The following P2RX3 variants were observed in gnomAD, a reference collection of about 807,000 sequenced individuals.
P2RX3 encodes the protein P2X purinoceptor 3.
Under a neutral mutation model 51.5 loss-of-function variants are expected in P2RX3, and 41 were observed. That is an observed-to-expected ratio of 0.80 (90% CI 0.62 to 1.03). The LOEUF is 1.03. P2RX3 is among the 50% of genes least tolerant of loss of function. The pLI, the probability that P2RX3 is intolerant of heterozygous loss-of-function variation, is 0.00. For missense variants in P2RX3, 459 were observed against 522.1 expected, an observed-to-expected ratio of 0.88 and a Z score of 1.18; for synonymous variants, 185 against 191.6, an observed-to-expected ratio of 0.97 and a Z score of 0.29.
chr11:57,353,310 C>G (rs1856576399), intron 8 of P2RX3, among the ~76,000 whole-genome samples: 1 of 152,178 alleles, frequency 6.6e-6, no homozygotes, highest in Non-Finnish European at 1.5e-5. Context: ...TGCTTCAGCT[C>G]AGCATTCCTT....
intron 8 of P2RX3, among the ~76,000 whole-genome samples, chr11:57,353,461 G>T (rs958573419): frequency 7.9e-5 from 12 of 152,134 alleles, no homozygotes; most frequent in Non-Finnish European, 1.0e-4. Context: ...TTCTTTGGAT[G>T]ATCTCCACCC....
chr11:57,348,827 C>A (rs974824222), intron 6 of P2RX3, 123 bp downstream of exon 6: 1 of 651,434 alleles, frequency 1.5e-6, no homozygotes. Context: ...ACTGACCCAT[C>A]TCCCTGGGCC....
At chr11:57,359,663 A>G (rs1856685440) in intron 8 of P2RX3, among the ~76,000 whole-genome samples, 2 of 152,230 alleles carry the variant, frequency 1.3e-5, no homozygotes, top group Admixed American at 1.3e-4. Context: ...CACAGACACC[A>G]GCTTAGCAAG....
chr11:57,346,100 CTCTGTCCT>C (rs1243357566), intron 1 of P2RX3, among the ~76,000 whole-genome samples: 2 of 152,200 alleles, frequency 1.3e-5, no homozygotes, highest in East Asian at 3.9e-4. Context: ...GCCTGGGATC[CTCTGTCCT>C]TCTGTCTCCT....
intron 8 of P2RX3, among the ~76,000 whole-genome samples, chr11:57,361,082 G>C (rs532360598): frequency 1.3e-5 from 2 of 152,174 alleles, no homozygotes; most frequent in Admixed American, 6.5e-5. Flanking sequence ...ACAATTGGCT[G>C]CCAGCTGGGA....
intron 2 of P2RX3, among the ~76,000 whole-genome samples, 198 bp from the exon 3 acceptor site, chr11:57,346,918 C>T (rs1157958990): frequency 1.3e-5 from 2 of 152,212 alleles, no homozygotes; most frequent in Non-Finnish European, 2.9e-5. Flanking sequence ...CAATCAAGGA[C>T]AACACACATG....
At chr11:57,349,666 C>G (rs142160127) in intron 6 of P2RX3, 91 bp from the exon 7 acceptor site, 10 of 1,531,504 alleles carry the variant, frequency 6.5e-6, no homozygotes, top group Non-Finnish European at 8.9e-6. Context: ...TCAGATCCCC[C>G]CTAGGCCTGG....
chr11:57,353,412 CAAAGCAAGCAA>C (rs931062464), intron 8 of P2RX3, among the ~76,000 whole-genome samples: 1 of 152,134 alleles, frequency 6.6e-6, no homozygotes, highest in Non-Finnish European at 1.5e-5. Flanking sequence ...CTCAAAGTCA[CAAAGCAAGCAA>C]GAGGGGGAGC....
intron 8 of P2RX3, among the ~76,000 whole-genome samples, chr11:57,354,249 C>T (rs1313629999): frequency 6.6e-6 from 1 of 152,126 alleles, no homozygotes; most frequent in East Asian, 1.9e-4. Flanking sequence ...TTGTGATCCC[C>T]TAAAGATTCT....
At chr11:57,339,099 G>A (rs1171133574) in intron 1 of P2RX3, among the ~76,000 whole-genome samples, 2 of 152,210 alleles carry the variant, frequency 1.3e-5, no homozygotes, top group African/African-American at 4.8e-5. Context: ...GAATAGGGAA[G>A]GGAAGGCACT....
intron 9 of P2RX3, 46 bp from the exon 10 acceptor site, chr11:57,368,326 A>T (rs768234947): frequency 8.7e-6 from 14 of 1,606,018 alleles, no homozygotes; most frequent in South Asian, 2.2e-5. Flanking sequence ...CCTCACCCCC[A>T]TCCCATGGGC....
chr11:57,367,730 A>G (rs1167564369), intron 8 of P2RX3, among the ~76,000 whole-genome samples: 1 of 152,166 alleles, frequency 6.6e-6, no homozygotes, highest in East Asian at 1.9e-4. Context: ...CAAAAATATA[A>G]AAATAAATAA....
chr11:57,360,519 G>C (rs1856698304), intron 8 of P2RX3, among the ~76,000 whole-genome samples: 1 of 152,106 alleles, frequency 6.6e-6, no homozygotes, highest in Non-Finnish European at 1.5e-5. Context: ...ATGAGGCCAG[G>C]CGCGGTGGCT....
At chr11:57,347,692 A>G (rs1856466978) in intron 4 of P2RX3, among the ~76,000 whole-genome samples, 1 of 152,130 alleles carries the variant, frequency 6.6e-6, no homozygotes, top group African/African-American at 2.4e-5. Flanking sequence ...GTGGTGACAG[A>G]CAGGGGTGCT....
chr11:57,363,147 C>T (rs996123173), intron 8 of P2RX3, among the ~76,000 whole-genome samples: 1 of 152,186 alleles, frequency 6.6e-6, no homozygotes, highest in African/African-American at 2.4e-5. Context: ...ACACCCAGAT[C>T]CCCTAGGGCC....
At chr11:57,350,038 G>A in intron 7 of P2RX3, 140 bp downstream of exon 7, 1 of 1,331,242 alleles carries the variant, frequency 7.5e-7, no homozygotes, top group Non-Finnish European at 1.0e-6. Context: ...GGCCGCCACT[G>A]GCTTTGTGCC....
intron 7 of P2RX3, 148 bp downstream of exon 7, chr11:57,350,046 G>A: frequency 7.8e-7 from 1 of 1,284,196 alleles, no homozygotes; most frequent in Non-Finnish European, 1.1e-6. Flanking sequence ...CTGGCTTTGT[G>A]CCTGAATCCT....
At chr11:57,369,478 G>C (rs201285555) in intron 11 of P2RX3, 40 bp downstream of exon 11, 1 of 1,580,022 alleles carries the variant, frequency 6.3e-7, no homozygotes, top group East Asian at 2.3e-5. Context: ...AAAGGGAGAG[G>C]GGGCAGGGCA....
At chr11:57,343,806 C>T (rs1310989840) in intron 1 of P2RX3, among the ~76,000 whole-genome samples, 3 of 152,240 alleles carry the variant, frequency 2.0e-5, no homozygotes, top group Non-Finnish European at 2.9e-5. Flanking sequence ...TTGCACTCTG[C>T]GAATGTACAG....
Sources: gnomAD v4.1 joint callset for allele counts (sites outside exome capture counted in the v4.1 genomes callset) on GRCh38, gnomAD v4.1.1 for gene constraint, MANE v1.5 for transcripts, NCBI Gene and HGNC (gene_info 2026-07-23, HGNC 2026-07-21) for gene names.